TTLL5: variants seen among roughly 807,000 people sequenced by gnomAD.
TTLL5 encodes tubulin polyglutamylase TTLL5.
Under a neutral mutation model 168.4 loss-of-function variants are expected in TTLL5, and 132 were observed. That is an observed-to-expected ratio of 0.78 (90% CI 0.68 to 0.91). TTLL5 has a LOEUF of 0.91. Ranked by LOEUF, TTLL5 falls within the 40% of genes least tolerant of loss-of-function variation. The pLI, the probability that TTLL5 is intolerant of heterozygous loss-of-function variation, is 0.00. For synonymous variants in TTLL5, 546 were observed against 558.6 expected (o/e 0.98, Z 0.32); for missense variants, 1,545 against 1,581.5 (o/e 0.98, Z 0.39).
intron 28 of TTLL5, among the ~76,000 whole-genome samples, chr14:75,851,565 C>T (rs548480270): frequency 2.0e-5 from 3 of 152,256 alleles, no homozygotes; most frequent in East Asian, 3.9e-4. Context: ...CCCACTTCCC[C>T]ACAGGAGCCA....
chr14:75,818,434 C>T (rs897276899), intron 27 of TTLL5: 10 of 378,684 alleles, frequency 2.6e-5, no homozygotes, highest in African/African-American at 1.8e-4. Context: ...TTTGCTACCA[C>T]GATTTTTTTT....
At chr14:75,840,169 CA>C (rs1449475339) in intron 28 of TTLL5, among the ~76,000 whole-genome samples, 1 of 152,188 alleles carries the variant, frequency 6.6e-6, no homozygotes, top group Non-Finnish European at 1.5e-5. Context: ...GCTTTTGCCA[CA>C]TGTGTTCTAA....
chr14:75,792,731 A>G (rs1016967437), intron 26 of TTLL5, among the ~76,000 whole-genome samples, 185 bp from the exon 27 acceptor site: 17 of 152,218 alleles, frequency 1.1e-4, no homozygotes, highest in African/African-American at 1.9e-4. Flanking sequence ...GGTAATAGGA[A>G]GAGTTTCTAG....
intron 7 of TTLL5, among the ~76,000 whole-genome samples, chr14:75,704,593 A>C (rs139788301): frequency 6.6e-6 from 1 of 152,336 alleles, no homozygotes; most frequent in East Asian, 1.9e-4. Flanking sequence ...CTACTTCAGC[A>C]TTCTTTGGGA....
chr14:75,703,033 A>G (rs1450683568), intron 7 of TTLL5, among the ~76,000 whole-genome samples: 1 of 152,146 alleles, frequency 6.6e-6, no homozygotes, highest in Non-Finnish European at 1.5e-5. Flanking sequence ...CCTCTTTTCC[A>G]TGCCTGGATC....
At chr14:75,788,380 A>C (rs1274196656) in intron 26 of TTLL5, among the ~76,000 whole-genome samples, 1 of 152,148 alleles carries the variant, frequency 6.6e-6, no homozygotes, top group Admixed American at 6.5e-5. Context: ...GATGACACCT[A>C]TCAAGAAAAA....
intron 29 of TTLL5, among the ~76,000 whole-genome samples, chr14:75,864,747 T>A (rs551228465): frequency 6.6e-6 from 1 of 152,334 alleles, no homozygotes; most frequent in East Asian, 1.9e-4. Flanking sequence ...TTTGGTTATG[T>A]GAAGAAATAA....
Position 75,871,131 on chromosome 14 carries a change from T to C in TTLL5, c.3522+7269T>C, listed in dbSNP as rs116128216. On this transcript the variant is annotated intron_variant, in intron 29 of 31. Coordinates refer to ENST00000298832, the MANE Select transcript of TTLL5 (RefSeq NM_015072.5). ...TTTCAATATCATATAAGTCTGATCTTAGTGTATTATTACAATACAGACTTT... is the reference window on the plus strand; with the variant it reads ...TTTCAATATCATATAAGTCTGATCTCAGTGTATTATTACAATACAGACTTT... Among the ~76,000 whole-genome samples the C allele has an allele frequency of 4.3e-3, 649 of 152,334 alleles. 8 individuals are homozygous for C. The highest frequency in any genetic ancestry group is 0.015 in the African/African-American group (610 of 41,568).
chr14:75,952,705 GCTACAGCATAGATGA>G (rs984283930), intron 31 of TTLL5, among the ~76,000 whole-genome samples: 1 of 152,196 alleles, frequency 6.6e-6, no homozygotes, highest in African/African-American at 2.4e-5. Context: ...AGTGATGCAT[GCTACAGCATAGATGA>G]CCCTTTAAAA....
intron 15 of TTLL5, among the ~76,000 whole-genome samples, chr14:75,738,288 C>T (rs1367291590): frequency 6.6e-6 from 1 of 152,096 alleles, no homozygotes; most frequent in East Asian, 1.9e-4. Flanking sequence ...CTATTTGATG[C>T]TTTAGTATGA....
intron 15 of TTLL5, among the ~76,000 whole-genome samples, chr14:75,739,919 T>A (rs1321704704): frequency 6.6e-6 from 1 of 152,234 alleles, no homozygotes; most frequent in East Asian, 1.9e-4. Flanking sequence ...CTGTTTGTAG[T>A]CATGTTTTTC....
At chr14:75,848,839 G>A (rs778918984) in intron 28 of TTLL5, among the ~76,000 whole-genome samples, 13 of 152,172 alleles carry the variant, frequency 8.5e-5, no homozygotes, top group Non-Finnish European at 1.5e-4. Flanking sequence ...CTTTTGAAAG[G>A]TTTGGTTTTT....
chr14:75,853,440 T>A (rs1225887862), intron 28 of TTLL5, among the ~76,000 whole-genome samples: 1 of 152,182 alleles, frequency 6.6e-6, no homozygotes, highest in African/African-American at 2.4e-5. Context: ...CTGCTCTAGG[T>A]CATGAGCTTT....
chr14:75,868,139 G>A (rs2030691923), intron 29 of TTLL5, among the ~76,000 whole-genome samples: 1 of 152,122 alleles, frequency 6.6e-6, no homozygotes, highest in Admixed American at 6.6e-5. Context: ...CTGTTAAAGT[G>A]ATCCTTTGTT....
chr14:75,788,281 T>G (rs1329541364), intron 26 of TTLL5, among the ~76,000 whole-genome samples: 1 of 151,948 alleles, frequency 6.6e-6, no homozygotes, highest in African/African-American at 2.4e-5. Context: ...ATAAGAGCAA[T>G]AATTATAGAA....
Position 75,823,536 on chromosome 14 carries a change from G to C in TTLL5, c.3326+3375G>C, listed in dbSNP as rs185775764. Among the ~76,000 whole-genome samples the C allele has an allele frequency of 1.1e-4, 16 of 152,288 alleles. No homozygotes were observed. The East Asian group carries it at 2.3e-3, about 22-fold the overall frequency. ...TTTTTCCAGTCCAGCCCTTCCTTGT[G>C]GATCGAGCTGTCAGGGAATCCCACG... On this transcript the variant is annotated intron_variant, in intron 28 of 31. Transcript: ENST00000298832.
intron 27 of TTLL5, among the ~76,000 whole-genome samples, chr14:75,801,076 CA>C (rs1893286449): frequency 6.6e-6 from 1 of 152,070 alleles, no homozygotes; most frequent in Admixed American, 6.6e-5. Context: ...TGGGCGGGGC[CA>C]CAGAGCTCCC....
chr14:75,857,238 G>A (rs1003099281), intron 28 of TTLL5, among the ~76,000 whole-genome samples: 2 of 152,028 alleles, frequency 1.3e-5, no homozygotes, highest in Non-Finnish European at 2.9e-5. Context: ...CATGTCTAAC[G>A]GTATTAATAT....
At chr14:75,671,349 G>A (rs1594844058) in intron 3 of TTLL5, among the ~76,000 whole-genome samples, 2 of 152,154 alleles carry the variant, frequency 1.3e-5, no homozygotes, top group African/African-American at 4.8e-5. Context: ...CTCTAATATA[G>A]TTCTTTTTCA....
Sources: gnomAD v4.1 joint callset for allele counts (sites outside exome capture counted in the v4.1 genomes callset) on GRCh38, gnomAD v4.1.1 for gene constraint, MANE v1.5 for transcripts, NCBI Gene and HGNC (gene_info 2026-07-23, HGNC 2026-07-21) for gene names.